Variants in RGL1 observed in about 807,000 individuals in gnomAD.
RGL1 encodes ral guanine nucleotide dissociation stimulator-like 1.
RGL1 carries 24 observed loss-of-function variants against 95.2 expected under a neutral mutation model. That is an observed-to-expected ratio of 0.25 (90% confidence interval 0.18 to 0.35). RGL1 has a LOEUF of 0.35. Ranked by LOEUF, RGL1 falls within the 10% of genes least tolerant of loss-of-function variation. RGL1 has a pLI of 1.00. For synonymous variants in RGL1, 329 were observed against 344.9 expected (o/e 0.95, Z 0.51); for missense variants, 715 against 936.3 (o/e 0.76, Z 3.08).
intron 1 of RGL1, among the ~76,000 whole-genome samples, chr1:183,642,200 A>G (rs951599646): frequency 6.6e-6 from 1 of 152,202 alleles, no homozygotes; most frequent in Non-Finnish European, 1.5e-5. Context: ...TCCTGTTCAT[A>G]TTTTATTAGT....
intron 2 of RGL1, among the ~76,000 whole-genome samples, chr1:183,794,546 C>A (rs1160579263): frequency 6.6e-6 from 1 of 152,212 alleles, no homozygotes; most frequent in Non-Finnish European, 1.5e-5. Flanking sequence ...ATGTACCTCA[C>A]AAACATGTAT....
chr1:183,712,476 A>G (rs551477692), intron 1 of RGL1, among the ~76,000 whole-genome samples: 4 of 152,286 alleles, frequency 2.6e-5, no homozygotes, highest in African/African-American at 4.8e-5. Flanking sequence ...TAAAAGAGAG[A>G]CAGAGTGAGA....
chr1:183,900,047 C>T (rs1667927924), intron 10 of RGL1, 103 bp from the exon 11 acceptor site: 1 of 793,086 alleles, frequency 1.3e-6, no homozygotes, highest in Non-Finnish European at 2.2e-6. Flanking sequence ...CACTGGCCCG[C>T]AGTTAGGCCT....
At chr1:183,855,868 C>A (rs1003425913) in intron 3 of RGL1, among the ~76,000 whole-genome samples, 1 of 152,146 alleles carries the variant, frequency 6.6e-6, no homozygotes, top group Non-Finnish European at 1.5e-5. Flanking sequence ...ACTTCCATCA[C>A]TTACATAGGA....
chr1:183,648,134 A>G, intron 1 of RGL1: 5 of 1,614,234 alleles, frequency 3.1e-6, no homozygotes, highest in Non-Finnish European at 4.2e-6. Flanking sequence ...GTGCTCTCCC[A>G]GTTAAAATGG....
chr1:183,802,254 T>A (rs1183048986), upstream of RGL1, among the ~76,000 whole-genome samples: 1 of 152,174 alleles, frequency 6.6e-6, no homozygotes. Context: ...CACATATGCT[T>A]GGGTTTATTT....
At chr1:183,868,456 G>A (rs536691751) in intron 4 of RGL1, among the ~76,000 whole-genome samples, 26 of 152,284 alleles carry the variant, frequency 1.7e-4, no homozygotes, top group Non-Finnish European at 3.8e-4. Context: ...TGGACCTATA[G>A]CATCAGCATC....
chr1:183,776,931 G>T (rs1043011429), intron 2 of RGL1, among the ~76,000 whole-genome samples: 1 of 152,204 alleles, frequency 6.6e-6, no homozygotes, highest in Non-Finnish European at 1.5e-5. Flanking sequence ...CTGATGGAAT[G>T]CTGTGGTTTC....
At chr1:183,869,385 C>T (rs190483589) in intron 4 of RGL1, among the ~76,000 whole-genome samples, 20 of 152,324 alleles carry the variant, frequency 1.3e-4, no homozygotes, top group African/African-American at 4.6e-4. Flanking sequence ...CAGAACTCCC[C>T]TGAGGGGTCC....
chr1:183,883,802 G>C lies in RGL1; in HGVS notation c.627G>C (p.Thr209=), dbSNP rs771555308. 1.1e-5 allele frequency: 18 copies of C among 1,614,058 alleles called. No individual in the cohort carries two copies. Among genetic ancestry groups the C allele is most frequent in the Non-Finnish European group, 1.3e-5 (15 of 1,179,914 alleles). Residue 209 remains threonine, a synonymous_variant, in exon 6 of 18, where the codon ACG becomes ACC. Transcript: ENST00000360851. ...TGTGAACAGATGGGCTTCCCAACAC[G>C]ATCTCCTTCAGCCTGGAAGAGGAAG... The part of the protein sequence containing the change: ...EVETDNGLPN[T]ISFSLEEEEE...
intron 1 of RGL1, among the ~76,000 whole-genome samples, chr1:183,652,474 T>C (rs1650831430): frequency 6.6e-6 from 1 of 152,220 alleles, no homozygotes; most frequent in South Asian, 2.1e-4. Context: ...ATCACCCTCA[T>C]CTGAAGAGGA....
chr1:183,760,677 C>T (rs1658616979), intron 2 of RGL1, among the ~76,000 whole-genome samples: 2 of 151,710 alleles, frequency 1.3e-5, no homozygotes. Context: ...CTCAGCAATC[C>T]TCACTCAGGA....
chr1:183,787,478 G>C (rs756142304), intron 2 of RGL1, among the ~76,000 whole-genome samples: 4 of 152,192 alleles, frequency 2.6e-5, no homozygotes, highest in Non-Finnish European at 5.9e-5. Context: ...GTATTTCCAA[G>C]GTGGGAATTG....
At chr1:183,773,972 G>A (rs747711706) in intron 2 of RGL1, among the ~76,000 whole-genome samples, 8 of 150,742 alleles carry the variant, frequency 5.3e-5, no homozygotes, top group Non-Finnish European at 1.2e-4. Flanking sequence ...AAAAAGCCAG[G>A]ATTTCACATG....
chr1:183,912,369 G>T (rs1056992593), intron 15 of RGL1, 101 bp downstream of exon 15: 63 of 980,586 alleles, frequency 6.4e-5, no homozygotes, highest in Non-Finnish European at 9.3e-5. Context: ...TCACTCTATA[G>T]TATTTTGAAA....
At chr1:183,820,821 C>T (rs967184280) in intron 2 of RGL1, among the ~76,000 whole-genome samples, 1 of 152,032 alleles carries the variant, frequency 6.6e-6, no homozygotes, top group African/African-American at 2.4e-5. Context: ...TAAAATGTAT[C>T]GTTAAAATTA....
At chr1:183,800,243 A>C (rs769888600), upstream of RGL1, among the ~76,000 whole-genome samples, 18 of 152,198 alleles carry the variant, frequency 1.2e-4, no homozygotes, top group Non-Finnish European at 2.2e-4. Context: ...GTGGTGTCAT[A>C]GAGACCAATG....
intron 1 of RGL1, among the ~76,000 whole-genome samples, chr1:183,641,561 C>T (rs149988897): frequency 2.0e-5 from 3 of 152,186 alleles, no homozygotes; most frequent in Non-Finnish European, 4.4e-5. Flanking sequence ...TGAGCCCCCC[C>T]CACCATACCT....
rs372820827 is a variant in RGL1 at position 183,699,249 on chromosome 1, A to G, written c.-32-42877A>G. ...AACTTACCCTGAACAATGTTTTTAA[A>G]TTCATTTTTACCATTTAAATACTAC... On this transcript the variant is annotated intron_variant, in intron 1 of 18. Coordinates refer to the RGL1 transcript ENST00000304685. Among the ~76,000 whole-genome samples, 3 of 152,196 alleles carry G rather than the reference A, an allele frequency of 2.0e-5. No homozygotes were observed. In the East Asian group the frequency reaches 5.8e-4, roughly 29 times the overall value.
Sources: allele counts gnomAD v4.1 joint callset (sites outside exome capture counted in the v4.1 genomes callset), GRCh38; gene constraint gnomAD v4.1.1; transcripts MANE v1.5; gene names NCBI Gene and HGNC (gene_info 2026-07-23, HGNC 2026-07-21).